The following NAV3 variants were observed in gnomAD, a reference collection of about 807,000 sequenced individuals.
The protein encoded by NAV3 is neuron navigator 3.
Under a neutral mutation model 244.7 loss-of-function variants are expected in NAV3, and 87 were observed. That is an observed-to-expected ratio of 0.36 (90% confidence interval 0.30 to 0.42). The LOEUF is 0.42. NAV3 is among the 20% of genes least tolerant of loss of function. The pLI is 1.00. For synonymous variants in NAV3, 1,126 were observed against 1,042.2 expected (o/e 1.08, Z -1.55); for missense variants, 2,663 against 2,893.3 (o/e 0.92, Z 1.83).
At chr12:78,006,346 A>G (rs2136549875) in intron 7 of NAV3, 73 bp from the exon 8 acceptor site, 1 of 1,368,218 alleles carries the variant, frequency 7.3e-7, no homozygotes, top group Admixed American at 2.1e-5. Flanking sequence ...ATAGTTTGGA[A>G]GTTCTCAATT....
chr12:77,777,838 G>T (rs558135895), intron 2 of NAV3, among the ~76,000 whole-genome samples: 1 of 147,892 alleles, frequency 6.8e-6, no homozygotes, highest in African/African-American at 2.5e-5. Context: ...ACGGAGTCTT[G>T]CTCTGTCACC....
chr12:77,934,745 C>A (rs1245653949), intron 1 of NAV3, among the ~76,000 whole-genome samples: 1 of 152,208 alleles, frequency 6.6e-6, no homozygotes, highest in Non-Finnish European at 1.5e-5. Flanking sequence ...ACCCATTTAA[C>A]TTTACAAAGC....
At chr12:78,040,685 A>C (rs921050784) in intron 9 of NAV3, among the ~76,000 whole-genome samples, 1 of 152,128 alleles carries the variant, frequency 6.6e-6, no homozygotes, top group Non-Finnish European at 1.5e-5. Flanking sequence ...GCGTTCTAGG[A>C]ATCTGTGTGA....
intron 2 of NAV3, among the ~76,000 whole-genome samples, chr12:77,789,816 G>GAAAAAAAAA (rs57070028): frequency 1.3e-5 from 1 of 75,572 alleles, no homozygotes; most frequent in African/African-American, 4.8e-5. Context: ...GTCTCGAAAA[G>GAAAAAAAAA]AAAAAAAAAA....
intron 12 of NAV3, among the ~76,000 whole-genome samples, chr12:78,099,992 C>T (rs1162405855): frequency 6.6e-6 from 1 of 151,794 alleles, no homozygotes; most frequent in Admixed American, 6.6e-5. Flanking sequence ...GACAGAATAG[C>T]TGTAAATCTT....
chr12:77,927,517 G>C (rs967565461), intron 1 of NAV3, among the ~76,000 whole-genome samples: 9 of 152,186 alleles, frequency 5.9e-5, no homozygotes, highest in Non-Finnish European at 1.2e-4. Context: ...AAACGGAATA[G>C]TGGTACCTTC....
chr12:77,857,353 T>C (rs1161581094), intron 1 of NAV3, among the ~76,000 whole-genome samples: 1 of 152,068 alleles, frequency 6.6e-6, no homozygotes, highest in Non-Finnish European at 1.5e-5. Flanking sequence ...ATTTTGGTTT[T>C]AATTTTTTTG....
rs143399787 is a variant in NAV3 at position 78,122,757 on chromosome 12, A to G, written c.4238+329A>G. Among the ~76,000 whole-genome samples, 361 of 152,288 alleles carry G rather than the reference A, an allele frequency of 2.4e-3. 2 individuals carry two copies. The highest frequency in any genetic ancestry group is 8.4e-3 in the African/African-American group (350 of 41,556). On this transcript the variant is annotated intron_variant, in intron 16 of 39. Transcript: ENST00000397909. ...ATGATTTGGCTTAAGCTTCAGAACAACACTAGCTCCTTATGATGACTTAAG... is the reference window on the plus strand; with the variant it reads ...ATGATTTGGCTTAAGCTTCAGAACAGCACTAGCTCCTTATGATGACTTAAG...
intron 3 of NAV3, among the ~76,000 whole-genome samples, chr12:77,960,521 T>C (rs1045238066): frequency 6.7e-6 from 1 of 149,738 alleles, no homozygotes; most frequent in African/African-American, 2.4e-5. Context: ...TATCATGATG[T>C]ATACTGTAAT....
intron 9 of NAV3, among the ~76,000 whole-genome samples, chr12:78,046,893 T>A (rs1881887880): frequency 1.3e-5 from 2 of 152,170 alleles, no homozygotes; most frequent in African/African-American, 2.4e-5. Context: ...TCTAAGAACT[T>A]GCTTTATGAA....
At chr12:77,994,331 T>A (rs1205533861) in intron 5 of NAV3, among the ~76,000 whole-genome samples, 2 of 152,208 alleles carry the variant, frequency 1.3e-5, no homozygotes, top group Non-Finnish European at 2.9e-5. Flanking sequence ...GCTTTCGAAA[T>A]AATATTTAGA....
intron 5 of NAV3, among the ~76,000 whole-genome samples, chr12:77,993,309 G>T (rs958082885): frequency 6.6e-6 from 1 of 152,188 alleles, no homozygotes; most frequent in Non-Finnish European, 1.5e-5. Context: ...TCTTACTCTT[G>T]AATTGACAAG....
At chr12:77,747,221 G>T (rs1379995432) in intron 2 of NAV3, among the ~76,000 whole-genome samples, 1 of 152,140 alleles carries the variant, frequency 6.6e-6, no homozygotes, top group Non-Finnish European at 1.5e-5. Context: ...TCTTTTGGCT[G>T]CATAAATGTC....
intron 13 of NAV3, 62 bp from the exon 14 acceptor site, chr12:78,117,965 C>T (rs2138558355): frequency 7.0e-7 from 1 of 1,422,486 alleles, no homozygotes; most frequent in Non-Finnish European, 9.4e-7. Context: ...CATTTCATTG[C>T]CTTAATTCAT....
intron 33 of NAV3, among the ~76,000 whole-genome samples, chr12:78,189,378 T>G (rs1308762028): frequency 6.6e-6 from 1 of 151,764 alleles, no homozygotes; most frequent in Non-Finnish European, 1.5e-5. Context: ...TTTGATTTTA[T>G]GATGAAGGTA....
chr12:77,762,245 A>G (rs948110233), intron 2 of NAV3, among the ~76,000 whole-genome samples: 1 of 152,122 alleles, frequency 6.6e-6, no homozygotes, highest in Non-Finnish European at 1.5e-5. Context: ...ACATGGACAC[A>G]GTGAGGGGAA....
chr12:78,007,926 T>G (rs1874527300), intron 8 of NAV3, among the ~76,000 whole-genome samples: 1 of 152,220 alleles, frequency 6.6e-6, no homozygotes, highest in Admixed American at 6.5e-5. Context: ...TCTGCCACTT[T>G]TCAGCTATAA....
intron 2 of NAV3, among the ~76,000 whole-genome samples, chr12:77,651,156 A>G (rs1186724397): frequency 6.6e-6 from 1 of 152,108 alleles, no homozygotes; most frequent in Non-Finnish European, 1.5e-5. Context: ...TAAAAAAAAA[A>G]TTCTACTTTT....
At chr12:77,802,349 T>C (rs1871752212) in intron 2 of NAV3, among the ~76,000 whole-genome samples, 1 of 152,200 alleles carries the variant, frequency 6.6e-6, no homozygotes, top group African/African-American at 2.4e-5. Context: ...CTTTCAACTA[T>C]AGTTGATTCT....
Sources: allele counts gnomAD v4.1 joint callset (sites outside exome capture counted in the v4.1 genomes callset), GRCh38; gene constraint gnomAD v4.1.1; transcripts MANE v1.5; gene names NCBI Gene and HGNC (gene_info 2026-07-23, HGNC 2026-07-21).